Variants in ICA1 observed in about 807,000 individuals in gnomAD.
ICA1 encodes the protein 69 kDa islet cell autoantigen.
Under a neutral mutation model 71.0 loss-of-function variants are expected in ICA1, and 40 were observed. The ratio of observed to expected loss-of-function variants is 0.56; its 90% CI spans 0.44 to 0.73. The LOEUF (loss-of-function observed/expected upper bound fraction) is 0.73. Among genes scored for constraint, ICA1 ranks in the 30% least tolerant of loss-of-function variants. ICA1 has a pLI of 0.00. For synonymous variants in ICA1, 207 were observed against 209.5 expected, an observed-to-expected ratio of 0.99 and a Z score of 0.10; for missense variants, 578 against 576.5, an observed-to-expected ratio of 1.00 and a Z score of -0.03.
At chr7:8,207,432 C>T (rs1791987238) in intron 6 of ICA1, among the ~76,000 whole-genome samples, 2 of 152,172 alleles carry the variant, frequency 1.3e-5, no homozygotes, top group African/African-American at 4.8e-5. Context: ...TTCCATTGAT[C>T]TTGCTTAATT....
At chr7:8,157,415 C>G (rs370611037) in intron 7 of ICA1, 13 of 555,662 alleles carry the variant, frequency 2.3e-5, no homozygotes, top group African/African-American at 3.9e-5. Flanking sequence ...AATGCTGCCT[C>G]CCAGAACTCA....
chr7:8,171,471 T>C (rs948432208), intron 6 of ICA1, among the ~76,000 whole-genome samples: 8 of 151,958 alleles, frequency 5.3e-5, no homozygotes, highest in African/African-American at 1.9e-4. Flanking sequence ...CTGTACTGTC[T>C]ATAGTAATGT....
intron 6 of ICA1, among the ~76,000 whole-genome samples, chr7:8,191,040 C>G (rs1281154585): frequency 6.6e-6 from 1 of 152,180 alleles, no homozygotes; most frequent in Admixed American, 6.5e-5. Context: ...TACAGGTCAG[C>G]AGATGTGAGG....
intron 1 of ICA1, among the ~76,000 whole-genome samples, chr7:8,246,933 A>G (rs1339666262): frequency 2.0e-5 from 3 of 152,016 alleles, no homozygotes; most frequent in Non-Finnish European, 4.4e-5. Flanking sequence ...TTTTTAGTAG[A>G]GATGGGGTTT....
At chr7:8,254,018 CA>C (rs1206355927) in intron 1 of ICA1, among the ~76,000 whole-genome samples, 1 of 152,078 alleles carries the variant, frequency 6.6e-6, no homozygotes, top group African/African-American at 2.4e-5. Context: ...TTGAAGCCTC[CA>C]AAAGATGTGA....
intron 6 of ICA1, among the ~76,000 whole-genome samples, chr7:8,211,212 T>C (rs1352471133): frequency 6.6e-6 from 1 of 150,802 alleles, no homozygotes; most frequent in Admixed American, 6.6e-5. Context: ...TGGATGTTAA[T>C]TTTTTTTTTC....
intron 6 of ICA1, among the ~76,000 whole-genome samples, chr7:8,197,596 A>G: frequency 6.8e-6 from 1 of 146,430 alleles, no homozygotes; most frequent in Non-Finnish European, 1.5e-5. Flanking sequence ...TAATAATAAT[A>G]ATAATAATAA....
At chr7:8,125,150 A>T (rs895291503) in intron 13 of ICA1, among the ~76,000 whole-genome samples, 1 of 152,218 alleles carries the variant, frequency 6.6e-6, no homozygotes, top group Non-Finnish European at 1.5e-5. Flanking sequence ...CTTCTAGCAG[A>T]CAGAATGACC....
At position 8,222,542 on chromosome 7, in the gene ICA1, A is replaced by G. The variant is rs1797440703; in HGVS notation, c.257-1144T>C. ...CCCCCATTCCTGACATAATCTCACT[A>G]ACAATAATTGTAGGACATTAGGCAG... is the stretch of plus-strand genomic sequence containing the variant. On this transcript the variant is annotated intron_variant, in intron 4 of 13. Transcript: ENST00000402384. This position sits in a 1 kb window ranked among gnomAD's most constrained non-coding sequence, Gnocchi z 4.8. Among the ~76,000 whole-genome samples the G allele has an allele frequency of 6.6e-6, 1 of 152,180 alleles. No individual in the cohort carries two copies. The highest frequency in any genetic ancestry group is 2.4e-5 in the African/African-American group (1 of 41,460).
At chr7:8,159,218 C>G (rs779090778) in intron 6 of ICA1, among the ~76,000 whole-genome samples, 45 of 152,154 alleles carry the variant, frequency 3.0e-4, no homozygotes, top group South Asian at 1.2e-3. Flanking sequence ...GGAATTTTGA[C>G]ACAGCCTAAA....
intron 6 of ICA1, among the ~76,000 whole-genome samples, chr7:8,196,412 T>C (rs1787595700): frequency 6.6e-6 from 1 of 152,214 alleles, no homozygotes; most frequent in Non-Finnish European, 1.5e-5. Context: ...ACTACCCATA[T>C]GCTACTAGAA....
rs149970293 is a variant in ICA1 at position 8,226,745 on chromosome 7, C to T, written c.256+1856G>A. Among the ~76,000 whole-genome samples the T allele has an allele frequency of 9.0e-3, 1,368 of 152,314 alleles. 16 individuals are homozygous for T. The highest frequency in any genetic ancestry group is 0.03 in the African/African-American group (1,231 of 41,560). On this transcript the variant is annotated intron_variant, in intron 4 of 13. Coordinates refer to ENST00000402384, the MANE Select transcript of ICA1 (RefSeq NM_001136020.3). This position sits in a 1 kb window ranked among gnomAD's most constrained non-coding sequence, Gnocchi z 4.4. ...CATAAAAGGGCTTATCTACCATCCA[C>T]AGCCAGCTCTGCTGGCACAACCAGG...
chr7:8,195,023 C>G (rs377241205), intron 6 of ICA1, among the ~76,000 whole-genome samples: 7 of 152,072 alleles, frequency 4.6e-5, no homozygotes, highest in African/African-American at 1.7e-4. Context: ...CTTTAAAATT[C>G]AACAATAAGA....
At chr7:8,225,053 T>A (rs1000331992) in intron 4 of ICA1, among the ~76,000 whole-genome samples, 1 of 152,190 alleles carries the variant, frequency 6.6e-6, no homozygotes, top group African/African-American at 2.4e-5. Flanking sequence ...GTTAAGAATG[T>A]TTTTTTCCTT....
intron 12 of ICA1, among the ~76,000 whole-genome samples, chr7:8,133,386 T>C (rs10252384): frequency 0.96 from 146,020 of 152,264 alleles, 70,046 homozygotes; most frequent in East Asian, 1. Flanking sequence ...TTGAATGCCT[T>C]CTGAGTAGCT....
chr7:8,208,354 A>G (rs181499318), intron 6 of ICA1, among the ~76,000 whole-genome samples: 2 of 152,334 alleles, frequency 1.3e-5, no homozygotes, highest in East Asian at 3.9e-4. Flanking sequence ...CTCCTGTTTG[A>G]AATTTAAATA....
rs750079208 is a variant in ICA1, at chr7:8,226,236, C to G, written c.256+2365G>C. On this transcript the variant is annotated intron_variant, in intron 4 of 13. Coordinates refer to ENST00000402384, the MANE Select transcript of ICA1 (RefSeq NM_001136020.3). The surrounding 1 kb of genome is among the most constrained non-coding windows in gnomAD (Gnocchi z 4.4). ...TTTGCTCCTCCATTCTCATTCCCTC[C>G]TCTCCAACCCTTCCCCACTCCTCAT... Among the ~76,000 whole-genome samples the G allele has an allele frequency of 7.9e-5, 12 of 152,210 alleles. No homozygotes were observed. Among genetic ancestry groups the G allele is most frequent in the Middle Eastern group, 3.4e-3 (1 of 294 alleles).
rs1248968552 is a variant in ICA1, at chr7:8,130,165, G to T, written c.1061-2023C>A. Among the ~76,000 whole-genome samples, 1 of 152,188 alleles carries T rather than the reference G, an allele frequency of 6.6e-6. No individual in the cohort carries two copies. The highest frequency in any genetic ancestry group is 2.4e-5 in the African/African-American group (1 of 41,434). On this transcript the variant is annotated intron_variant, in intron 12 of 13. Transcript: ENST00000402384. The surrounding 1 kb of genome is among the most constrained non-coding windows in gnomAD (Gnocchi z 4.2). ...CTAGTGCCGCAATAAACATACGTGG[G>T]CATGTGTCTTTATAGCAGCATGATT...
intron 12 of ICA1, among the ~76,000 whole-genome samples, chr7:8,134,238 G>A (rs1243273675): frequency 1.3e-5 from 2 of 152,118 alleles, no homozygotes; most frequent in Admixed American, 6.5e-5. Flanking sequence ...CTATGCCCCT[G>A]GGAGAACATT....
Sources: gnomAD v4.1 joint callset for allele counts (sites outside exome capture counted in the v4.1 genomes callset) on GRCh38, gnomAD v4.1.1 for gene constraint, Gnocchi (gnomAD v3.1) non-coding constraint, MANE v1.5 for transcripts, NCBI Gene and HGNC (gene_info 2026-07-23, HGNC 2026-07-21) for gene names.